The following BRAF variants were observed in gnomAD, a reference collection of about 807,000 sequenced individuals.
BRAF encodes serine/threonine-protein kinase B-raf.
A neutral mutation model predicts 104.6 loss-of-function variants in BRAF; 16 were observed. The ratio of observed to expected loss-of-function variants is 0.15; its 90% confidence interval spans 0.10 to 0.23. The LOEUF is 0.23. Among genes scored for constraint, BRAF ranks in the 10% least tolerant of loss-of-function variants. BRAF has a pLI of 1.00. For synonymous variants in BRAF, 310 were observed against 341.6 expected, an observed-to-expected ratio of 0.91 and a Z score of 1.02; for missense variants, 541 against 937.3, an observed-to-expected ratio of 0.58 and a Z score of 5.52.
chr7:140,750,035 T>A (rs979525028), intron 16 of BRAF, among the ~76,000 whole-genome samples: 1 of 152,234 alleles, frequency 6.6e-6, no homozygotes, highest in Non-Finnish European at 1.5e-5. Context: ...AAGAATCTTC[T>A]GGCTGCTGCT....
intron 1 of BRAF, among the ~76,000 whole-genome samples, chr7:140,919,848 T>C (rs1818028387): frequency 6.6e-6 from 1 of 152,000 alleles, no homozygotes; most frequent in South Asian, 2.1e-4. Flanking sequence ...TTTGTTTGTT[T>C]GTTTGTTTGT....
intron 18 of BRAF, among the ~76,000 whole-genome samples, chr7:140,738,335 T>C (rs1220224237): frequency 1.3e-5 from 2 of 152,176 alleles, no homozygotes. Context: ...GATTTAAAAA[T>C]AAAGGATGAG....
At chr7:140,814,044 C>T (rs1276062864) in intron 3 of BRAF, among the ~76,000 whole-genome samples, 1 of 152,120 alleles carries the variant, frequency 6.6e-6, no homozygotes, top group Non-Finnish European at 1.5e-5. Context: ...GGGAGGTTGT[C>T]TCCTACTTTA....
At chr7:140,751,808 T>G (rs1382356666) in intron 16 of BRAF, among the ~76,000 whole-genome samples, 1 of 152,228 alleles carries the variant, frequency 6.6e-6, no homozygotes, top group East Asian at 1.9e-4. Context: ...TTCTGGAGAC[T>G]GCTACATAAA....
intron 14 of BRAF, among the ~76,000 whole-genome samples, chr7:140,775,838 A>C (rs1800289609): frequency 6.6e-6 from 1 of 152,242 alleles, no homozygotes; most frequent in Non-Finnish European, 1.5e-5. Flanking sequence ...GTTTTGAGAA[A>C]GAGAAGGTGG....
intron 1 of BRAF, among the ~76,000 whole-genome samples, chr7:140,869,361 A>G (rs1309155165): frequency 1.3e-5 from 2 of 152,214 alleles, no homozygotes; most frequent in Non-Finnish European, 2.9e-5. Context: ...GACCAGGCAC[A>G]GTGACTCATG....
intron 17 of BRAF, among the ~76,000 whole-genome samples, chr7:140,746,985 G>C (rs1265434530): frequency 6.6e-6 from 1 of 152,164 alleles, no homozygotes; most frequent in Non-Finnish European, 1.5e-5. Flanking sequence ...CAGACTATGG[G>C]TATGAGAGTC....
At chr7:140,846,684 A>G (rs1404280222) in intron 2 of BRAF, among the ~76,000 whole-genome samples, 1 of 152,150 alleles carries the variant, frequency 6.6e-6, no homozygotes, top group Non-Finnish European at 1.5e-5. Flanking sequence ...TTTGTTAGGC[A>G]TATTTTACCC....
intron 8 of BRAF, among the ~76,000 whole-genome samples, chr7:140,789,313 G>C (rs1286634469): frequency 6.6e-6 from 1 of 152,156 alleles, no homozygotes; most frequent in Non-Finnish European, 1.5e-5. Flanking sequence ...TTGATGGGTA[G>C]AACTTGCATT....
intron 3 of BRAF, among the ~76,000 whole-genome samples, chr7:140,810,173 C>A (rs184810193): frequency 6.6e-6 from 1 of 152,070 alleles, no homozygotes; most frequent in African/African-American, 2.4e-5. Context: ...TATAAGACAG[C>A]TGAATTCAAA....
chr7:140,869,636 C>CAAA (rs56186470), intron 1 of BRAF, among the ~76,000 whole-genome samples: 12 of 94,454 alleles, frequency 1.3e-4, no homozygotes, highest in South Asian at 3.0e-4. Context: ...CTGTCTCAAA[C>CAAA]AAAAAAAAAA....
intron 1 of BRAF, among the ~76,000 whole-genome samples, chr7:140,903,501 G>T (rs1394490920): frequency 6.6e-6 from 1 of 152,218 alleles, no homozygotes; most frequent in Non-Finnish European, 1.5e-5. Context: ...GGTCACCCAA[G>T]AGCTCTGATG....
Position 140,720,064 on chromosome 7 carries a change from TA to T in BRAF, c.*6429del. On this transcript the variant is annotated 3_prime_UTR_variant, in exon 20 of 20. Transcript: ENST00000644969. The stretch of plus-strand genomic sequence containing the variant: ...AGGGGGGATTTCCTTTTTCTTGGTC[TA>T]AACCAAAGAGCAATGACAACTACTG... 1 of 1,060,758 alleles carries T rather than the reference TA, an allele frequency of 9.4e-7. No individual in the cohort carries two copies. Among genetic ancestry groups the T allele is most frequent in the East Asian group, 5.1e-5 (1 of 19,498 alleles). 65.7% of individuals were successfully genotyped at this position (1,060,758 alleles called of 1,614,324 possible).
intron 5 of BRAF, among the ~76,000 whole-genome samples, chr7:140,804,265 C>A (rs1803425224): frequency 6.6e-6 from 1 of 151,914 alleles, no homozygotes; most frequent in African/African-American, 2.4e-5. Flanking sequence ...AGTGCAGTGG[C>A]ACGATCTCGG....
chr7:140,767,015 T>C (rs1219203136), intron 14 of BRAF, among the ~76,000 whole-genome samples: 1 of 151,998 alleles, frequency 6.6e-6, no homozygotes, highest in Admixed American at 6.6e-5. Context: ...TTTATTTACT[T>C]ATTTTTGAGA....
chr7:140,896,594 G>A (rs977226075), intron 1 of BRAF, among the ~76,000 whole-genome samples: 5 of 151,122 alleles, frequency 3.3e-5, no homozygotes, highest in African/African-American at 4.9e-5. Context: ...GCCCAGGCGC[G>A]GTGGCTCACG....
chr7:140,823,495 G>A, intron 3 of BRAF: 1 of 129,914 alleles, frequency 7.7e-6, no homozygotes, highest in Non-Finnish European at 1.5e-5. Flanking sequence ...GTGTTAGAAT[G>A]TCCTAAGGCT....
downstream of BRAF, among the ~76,000 whole-genome samples, chr7:140,718,089 A>T (rs535272490): frequency 2.0e-5 from 3 of 152,260 alleles, no homozygotes; most frequent in East Asian, 1.9e-4. Flanking sequence ...AGACATAAGG[A>T]TAAACAGGTG....
At chr7:140,881,415 T>C (rs1812902377) in intron 1 of BRAF, among the ~76,000 whole-genome samples, 1 of 152,196 alleles carries the variant, frequency 6.6e-6, no homozygotes, top group Non-Finnish European at 1.5e-5. Context: ...GCTGTTTTGC[T>C]TGCCTGCTTT....
Sources: allele counts gnomAD v4.1 joint callset (sites outside exome capture counted in the v4.1 genomes callset), GRCh38; gene constraint gnomAD v4.1.1; transcripts MANE v1.5; gene names NCBI Gene and HGNC (gene_info 2026-07-23, HGNC 2026-07-21).